The following RPRD2 variants were observed in gnomAD, a reference collection of about 807,000 sequenced individuals.
RPRD2 encodes regulation of nuclear pre-mRNA domain-containing protein 2.
In RPRD2, 12 loss-of-function variants were observed where a neutral mutation model predicts 104.4. The observed-to-expected ratio is 0.11, with a 90% CI of 0.07 to 0.19. The LOEUF (loss-of-function observed/expected upper bound fraction) is 0.19, where lower values mean the gene tolerates loss of function less well. Among genes scored for constraint, RPRD2 ranks in the 10% least tolerant of loss-of-function variants. The pLI is 1.00. For synonymous variants in RPRD2, 714 were observed against 684.9 expected (o/e 1.04, Z -0.66); for missense variants, 1,543 against 1,790.1 (o/e 0.86, Z 2.49).
intron 2 of RPRD2, among the ~76,000 whole-genome samples, chr1:150,440,134 T>G (rs1331874888): frequency 1.3e-5 from 2 of 152,144 alleles, no homozygotes; most frequent in East Asian, 1.9e-4. Flanking sequence ...TTAGTAGAGA[T>G]AAGGTCTCTC....
At chr1:150,457,215 C>T (rs1667595141) in intron 7 of RPRD2, 73 bp from the exon 8 acceptor site, 1 of 1,452,032 alleles carries the variant, frequency 6.9e-7, no homozygotes, top group Admixed American at 2.1e-5. Context: ...CAAAGTGAGA[C>T]TCTGCCTCAA....
intron 1 of RPRD2, among the ~76,000 whole-genome samples, chr1:150,383,014 A>G (rs1553881095): frequency 6.6e-6 from 1 of 151,482 alleles, no homozygotes; most frequent in Non-Finnish European, 1.5e-5. Context: ...TTTTTTTGAA[A>G]CAGAGTCTCA....
chr1:150,470,231 C>T (rs1021753977), intron 10 of RPRD2, among the ~76,000 whole-genome samples: 2 of 151,994 alleles, frequency 1.3e-5, no homozygotes, highest in Admixed American at 6.6e-5. Flanking sequence ...ATAACTTTGC[C>T]TCCTTTCTTT....
chr1:150,471,629 G>T lies in RPRD2; in HGVS notation c.2681G>T (p.Arg894Met). ...GVKSAFPPSVRALLDSSENCD... is the reference protein window; with the variant it reads ...GVKSAFPPSVMALLDSSENCD... Reference sequence around the variant, plus strand: ...AAGTCTGCCTTCCCTCCATCTGTAAGGGCCCTCCTGGACTCTAGTGAGAAC... The same window carrying T: ...AAGTCTGCCTTCCCTCCATCTGTAATGGCCCTCCTGGACTCTAGTGAGAAC... The change falls in exon 11 of 11, where the codon AGG becomes ATG. Residue 894 changes from arginine to methionine, a missense_variant. Around this residue, in one of 4 missense-constraint regions of RPRD2, gnomAD observed 880 missense variants for 885.6 expected, o/e 0.99. Coordinates refer to ENST00000369068, the MANE Select transcript of RPRD2 (RefSeq NM_015203.5). The surrounding 1 kb of genome is among the most constrained non-coding windows in gnomAD (Gnocchi z 5.3). 1 of 1,613,748 alleles carries T rather than the reference G, an allele frequency of 6.2e-7. No homozygotes were observed. Among genetic ancestry groups the T allele is most frequent in the Non-Finnish European group, 8.5e-7 (1 of 1,179,856 alleles).
intron 1 of RPRD2, among the ~76,000 whole-genome samples, chr1:150,404,322 C>G (rs1663296289): frequency 6.6e-6 from 1 of 152,144 alleles, no homozygotes; most frequent in Non-Finnish European, 1.5e-5. Flanking sequence ...TCTTCACTCA[C>G]TGCAACCTCT....
chr1:150,415,384 T>C (rs1296412250), intron 1 of RPRD2, among the ~76,000 whole-genome samples: 1 of 151,670 alleles, frequency 6.6e-6, no homozygotes, highest in Non-Finnish European at 1.5e-5. Flanking sequence ...CAAATTAAAA[T>C]ACAAGAAGCG....
intron 1 of RPRD2, among the ~76,000 whole-genome samples, chr1:150,370,077 C>G (rs782360784): frequency 6.6e-6 from 1 of 152,108 alleles, no homozygotes; most frequent in East Asian, 1.9e-4. Context: ...CCACCACGCC[C>G]GGCCAAATTT....
intron 1 of RPRD2, among the ~76,000 whole-genome samples, chr1:150,373,562 G>A (rs1387194958): frequency 1.9e-5 from 1 of 51,996 alleles, no homozygotes; most frequent in African/African-American, 7.8e-5. Flanking sequence ...TTTAGCTTGA[G>A]CAACTAGAAA....
intron 7 of RPRD2, among the ~76,000 whole-genome samples, chr1:150,452,401 T>C (rs1667247028): frequency 6.6e-6 from 1 of 152,184 alleles, no homozygotes; most frequent in Non-Finnish European, 1.5e-5. Flanking sequence ...TTTAAGCCAC[T>C]CATTTTGTAG....
At chr1:150,428,564 C>G (rs1159933866) in intron 2 of RPRD2, among the ~76,000 whole-genome samples, 1 of 152,074 alleles carries the variant, frequency 6.6e-6, no homozygotes, top group African/African-American at 2.4e-5. Flanking sequence ...CTTCCTCCCT[C>G]CCTTTCCCTG....
rs1224075370 is a variant in RPRD2 at position 150,388,369 on chromosome 1, TATACAC to T, written c.205+23454_205+23459del. Among the ~76,000 whole-genome samples the T allele has an allele frequency of 5.9e-4, 56 of 95,378 alleles. 1 individual carries two copies. Among genetic ancestry groups the T allele is most frequent in the South Asian group, 3.8e-3 (15 of 3,974 alleles). The allele number at this position is 95,378 out of a possible 152,430, so 62.6% of individuals were successfully genotyped here. A position where few individuals can be genotyped will look rare whatever the true frequency, so the allele number is the denominator to read the frequency against. The stretch of plus-strand genomic sequence containing the variant: ...ACACACACATATACATATATACATG[TATACAC>T]ATATACACGTATACACATGTATATA... On this transcript the variant is annotated intron_variant, in intron 1 of 10. Transcript: ENST00000369068.
Position 150,388,429 on chromosome 1 carries a change from TATATAC to T in RPRD2, c.205+23513_205+23518del, listed in dbSNP as rs1417143745. ...GTATATACACATGTATATATATACATATATACATGTATACACACATATATATGTATA... is the reference window on the plus strand; with the variant it reads ...GTATATACACATGTATATATATACATATGTATACACACATATATATGTATA... On this transcript the variant is annotated intron_variant, in intron 1 of 10. Transcript: ENST00000369068. 3.3e-4 allele frequency among the ~76,000 whole-genome samples: 50 copies of T among 149,684 alleles called. 1 individual carries two copies.
intron 1 of RPRD2, among the ~76,000 whole-genome samples, chr1:150,407,389 G>C (rs1408618569): frequency 6.6e-6 from 1 of 152,092 alleles, no homozygotes; most frequent in Non-Finnish European, 1.5e-5. Context: ...AGTGTTTTCA[G>C]TTCTTAAAAA....
In RPRD2 at chr1:150,443,247, A is replaced by G; in HGVS notation, c.531A>G (p.Lys177=). 1 of 1,577,736 alleles carries G rather than the reference A, an allele frequency of 6.3e-7. No individual in the cohort carries two copies. Among genetic ancestry groups the G allele is most frequent in the East Asian group, 2.3e-5 (1 of 43,964 alleles). The part of the protein sequence containing the change: ...WKKSQTSTNP[K]AALKSKIVAE... ...TTCCAACAGCATCTACAAATCCAAA[A>G]GCTGCTCTCAAGTCTAAGATAGTTG... The change falls in exon 5 of 11, where the codon AAA becomes AAG. Residue 177 remains lysine, a synonymous_variant. Transcript: ENST00000369068.
chr1:150,424,706 A>G (rs1664998618), intron 2 of RPRD2, among the ~76,000 whole-genome samples: 1 of 152,126 alleles, frequency 6.6e-6, no homozygotes, highest in Non-Finnish European at 1.5e-5. Flanking sequence ...GATTTTTCTG[A>G]CTCTCAGTCC....
At chr1:150,404,765 C>T (rs1014453402) in intron 1 of RPRD2, among the ~76,000 whole-genome samples, 10 of 152,164 alleles carry the variant, frequency 6.6e-5, no homozygotes, top group South Asian at 4.2e-4. Flanking sequence ...CCACTGTGCC[C>T]GGCCTCGTCA....
chr1:150,452,095 T>C, intron 7 of RPRD2, among the ~76,000 whole-genome samples: 1 of 137,268 alleles, frequency 7.3e-6, no homozygotes. Flanking sequence ...TGAGCCGAGA[T>C]CACACCATTG....
rs587712743 is a variant in RPRD2, at chr1:150,428,093, T to C, written c.335+10368T>C. On this transcript the variant is annotated intron_variant, in intron 2 of 10. Coordinates refer to ENST00000369068, the MANE Select transcript of RPRD2 (RefSeq NM_015203.5). ...CTAAAGTGGTACATTACGGAAGATA[T>C]TTGTCGTAGACTAAGTTATATGAAT... is the stretch of plus-strand genomic sequence containing the variant. 2.6e-5 allele frequency among the ~76,000 whole-genome samples: 4 copies of C among 152,234 alleles called. No homozygotes were observed. In the South Asian group the frequency reaches 6.2e-4, roughly 24 times the overall value.
intron 10 of RPRD2, among the ~76,000 whole-genome samples, chr1:150,467,340 T>G (rs1255339482): frequency 6.6e-6 from 1 of 152,116 alleles, no homozygotes; most frequent in African/African-American, 2.4e-5. Flanking sequence ...ATTTGAGAGT[T>G]TGACATGTTT....
Sources: allele counts gnomAD v4.1 joint callset (sites outside exome capture counted in the v4.1 genomes callset), GRCh38; gene constraint gnomAD v4.1.1; regional missense constraint gnomAD v4.1.1; non-coding constraint Gnocchi (gnomAD v3.1); transcripts MANE v1.5; gene names NCBI Gene and HGNC (gene_info 2026-07-23, HGNC 2026-07-21).